Variants in DEK observed in about 807,000 individuals in gnomAD.
DEK encodes DEK proto-oncogene.
A neutral mutation model predicts 46.8 loss-of-function variants in DEK; 28 were observed. The ratio of observed to expected loss-of-function variants is 0.60; its 90% CI spans 0.44 to 0.82. The LOEUF (loss-of-function observed/expected upper bound fraction) is 0.82. Ranked by LOEUF, DEK falls within the 40% of genes least tolerant of loss-of-function variation. The probability of loss-of-function intolerance (pLI) is 0.00; values close to 1 mark genes in which losing one functional copy is unlikely to be tolerated. For synonymous variants in DEK, 160 were observed against 144.5 expected, an observed-to-expected ratio of 1.11 and a Z score of -0.77; for missense variants, 416 against 430.6, an observed-to-expected ratio of 0.97 and a Z score of 0.30.
chr6:18,249,224 T>A (rs1791256091), intron 7 of DEK, among the ~76,000 whole-genome samples: 1 of 152,194 alleles, frequency 6.6e-6, no homozygotes, highest in African/African-American at 2.4e-5. Flanking sequence ...CCCTAAAGGT[T>A]GAGGGGGGGA....
intron 10 of DEK, 102 bp from the exon 11 acceptor site, chr6:18,225,832 T>G: frequency 7.3e-7 from 1 of 1,377,764 alleles, no homozygotes; most frequent in Non-Finnish European, 1.0e-6. Context: ...TCAGTTGAGA[T>G]CAATACAGAA....
At chr6:18,256,820 C>T (rs1791616964) in intron 4 of DEK, among the ~76,000 whole-genome samples, 1 of 152,122 alleles carries the variant, frequency 6.6e-6, no homozygotes, top group Admixed American at 6.6e-5. Flanking sequence ...AATAAAGTTA[C>T]TAGTAATTCT....
chr6:18,237,823 C>T (rs1790725669), intron 7 of DEK, among the ~76,000 whole-genome samples: 1 of 141,980 alleles, frequency 7.0e-6, no homozygotes. Flanking sequence ...ATAATATTAT[C>T]TTCTCTTATT....
chr6:18,244,996 A>G (rs113261026), intron 7 of DEK, among the ~76,000 whole-genome samples: 150 of 152,358 alleles, frequency 9.8e-4, no homozygotes, highest in African/African-American at 3.5e-3. Context: ...AAACATTGTA[A>G]GATGGCTCAC....
intron 7 of DEK, among the ~76,000 whole-genome samples, chr6:18,240,407 C>T (rs1790849293): frequency 6.6e-6 from 1 of 152,216 alleles, no homozygotes; most frequent in Non-Finnish European, 1.5e-5. Context: ...CAGGCTCTAG[C>T]AGCAAGCTGC....
At chr6:18,233,600 C>T (rs1790506186) in intron 9 of DEK, among the ~76,000 whole-genome samples, 1 of 152,152 alleles carries the variant, frequency 6.6e-6, no homozygotes, top group Non-Finnish European at 1.5e-5. Context: ...TGAAAAAATG[C>T]TCATCATCAC....
intron 1 of DEK, 42 bp from the exon 2 acceptor site, chr6:18,264,038 C>A: frequency 6.5e-7 from 1 of 1,545,386 alleles, no homozygotes. Flanking sequence ...TCCTCCTACT[C>A]CCGCAGGCAG....
intron 9 of DEK, among the ~76,000 whole-genome samples, chr6:18,229,332 C>T (rs944697655): frequency 6.6e-6 from 1 of 152,072 alleles, no homozygotes. Context: ...GCCTCTTCTC[C>T]TCCAAAGGAA....
At chr6:18,251,307 C>T (rs1162283374) in intron 6 of DEK, among the ~76,000 whole-genome samples, 5 of 152,092 alleles carry the variant, frequency 3.3e-5, no homozygotes, top group African/African-American at 1.2e-4. Flanking sequence ...TTTGTGATAA[C>T]TTTAGGCAAT....
intron 2 of DEK, among the ~76,000 whole-genome samples, chr6:18,261,496 A>T (rs1791864216): frequency 6.6e-6 from 1 of 152,068 alleles, no homozygotes; most frequent in Non-Finnish European, 1.5e-5. Flanking sequence ...CCCTTGAACC[A>T]GGAGGCAGAG....
chr6:18,263,129 G>A (rs944057742), intron 2 of DEK, among the ~76,000 whole-genome samples: 5 of 152,154 alleles, frequency 3.3e-5, no homozygotes, highest in African/African-American at 9.7e-5. Flanking sequence ...TGGATAAACT[G>A]CCGCAGCACA....
chr6:18,263,999 G>C lies in DEK; in HGVS notation c.-9-3C>G. ...GCCGAGGCGGACATGCTGTGAACCTGCATGCGGGAAGAAAGCCGGACGTCT... is the reference window on the plus strand; with the variant it reads ...GCCGAGGCGGACATGCTGTGAACCTCCATGCGGGAAGAAAGCCGGACGTCT... On this transcript the variant is annotated splice_region_variant and splice_polypyrimidine_tract_variant and intron_variant, in intron 1 of 10. Coordinates refer to ENST00000652689, the MANE Select transcript of DEK (RefSeq NM_003472.4). 1 of 1,592,018 alleles carries C rather than the reference G, an allele frequency of 6.3e-7. No homozygotes were observed. Among genetic ancestry groups the C allele is most frequent in the Non-Finnish European group, 8.5e-7 (1 of 1,169,778 alleles).
chr6:18,258,181 A>G, intron 3 of DEK, 119 bp from the exon 4 acceptor site: 1 of 1,066,728 alleles, frequency 9.4e-7, no homozygotes, highest in Non-Finnish European at 1.4e-6. Context: ...CTTACAGAGC[A>G]AATTAAATAA....
chr6:18,258,578 G>A (rs1291582497), intron 2 of DEK, among the ~76,000 whole-genome samples, 173 bp from the exon 3 acceptor site: 1 of 151,938 alleles, frequency 6.6e-6, no homozygotes, highest in Non-Finnish European at 1.5e-5. Flanking sequence ...AATTAATAGA[G>A]CACCATGAAA....
At chr6:18,260,940 C>G (rs921755980) in intron 2 of DEK, among the ~76,000 whole-genome samples, 1 of 141,678 alleles carries the variant, frequency 7.1e-6, no homozygotes, top group African/African-American at 2.7e-5. Context: ...GAGCTGAGAT[C>G]ATGTTACTGC....
intron 9 of DEK, among the ~76,000 whole-genome samples, chr6:18,227,234 T>C (rs1452575461): frequency 1.3e-5 from 2 of 152,148 alleles, no homozygotes; most frequent in Non-Finnish European, 2.9e-5. Flanking sequence ...GGAAGGCATC[T>C]GTCTCCTGCC....
At chr6:18,255,409 C>T (rs80074200) in intron 6 of DEK, among the ~76,000 whole-genome samples, 39 of 152,356 alleles carry the variant, frequency 2.6e-4, no homozygotes, top group Non-Finnish European at 5.1e-4. Flanking sequence ...CCTTGCACCT[C>T]ATCCTCAGCC....
chr6:18,228,324 C>G lies in DEK; in HGVS notation c.1048-2082G>C, dbSNP rs538706583. On this transcript the variant is annotated intron_variant, in intron 9 of 10. Transcript: ENST00000652689. ...ACTAAGATAGAATGGATTTAGCCCACAGGCTGTAGTATGCCAACCCTCTAA... is the reference window on the plus strand; with the variant it reads ...ACTAAGATAGAATGGATTTAGCCCAGAGGCTGTAGTATGCCAACCCTCTAA... Among the ~76,000 whole-genome samples the G allele has an allele frequency of 2.0e-5, 3 of 152,258 alleles. No individual in the cohort carries two copies. The South Asian group carries it at 6.2e-4, about 32-fold the overall frequency.
intron 3 of DEK, 118 bp from the exon 4 acceptor site, chr6:18,258,180 C>CAA: frequency 9.2e-7 from 1 of 1,087,416 alleles, no homozygotes; most frequent in Non-Finnish European, 1.3e-6. Flanking sequence ...TCTTACAGAG[C>CAA]AAATTAAATA....
Sources: gnomAD v4.1 joint callset for allele counts (sites outside exome capture counted in the v4.1 genomes callset) on GRCh38, gnomAD v4.1.1 for gene constraint, MANE v1.5 for transcripts, NCBI Gene and HGNC (gene_info 2026-07-23, HGNC 2026-07-21) for gene names.